The following ZFYVE16 variants were observed in gnomAD, a reference collection of about 807,000 sequenced individuals.
ZFYVE16 encodes zinc finger FYVE-type containing 16, also known as zinc finger FYVE domain-containing protein 16.
A neutral mutation model predicts 138.1 loss-of-function variants in ZFYVE16; 89 were observed. That is an observed-to-expected ratio of 0.64 (90% confidence interval 0.54 to 0.77). The LOEUF is 0.77. Ranked by LOEUF, ZFYVE16 falls within the 30% of genes least tolerant of loss-of-function variation. The probability of loss-of-function intolerance (pLI) is 0.00; values close to 1 mark genes in which losing one functional copy is unlikely to be tolerated. For missense variants in ZFYVE16, 1,793 were observed against 1,786.7 expected (o/e 1.00, Z -0.06); for synonymous variants, 596 against 618.3 (o/e 0.96, Z 0.53).
At chr5:80,426,009 T>C (rs1057515236) in intron 1 of ZFYVE16, among the ~76,000 whole-genome samples, 11 of 152,182 alleles carry the variant, frequency 7.2e-5, no homozygotes, top group Admixed American at 3.3e-4. Flanking sequence ...TTTTCATCAG[T>C]AATTATTTTG....
upstream of ZFYVE16, chr5:80,407,936 C>A (rs1027368555): frequency 6.6e-6 from 1 of 152,350 alleles, no homozygotes. Context: ...GCAAGCGCCC[C>A]GGGCCTGGAG....
At chr5:80,469,863 G>A (rs572449894) in intron 15 of ZFYVE16, among the ~76,000 whole-genome samples, 69 of 151,326 alleles carry the variant, frequency 4.6e-4, no homozygotes, top group Non-Finnish European at 9.0e-4. Flanking sequence ...TGGGCTTTCA[G>A]TTTTAGTTAG....
chr5:80,420,805 G>A (rs1370990297), intron 1 of ZFYVE16, among the ~76,000 whole-genome samples: 46 of 152,260 alleles, frequency 3.0e-4, no homozygotes, highest in African/African-American at 6.5e-4. Context: ...CTTTGGGTAT[G>A]TACCCAGTAA....
At position 80,438,256 on chromosome 5, in the gene ZFYVE16, G is replaced by A; in HGVS notation, c.1571G>A (p.Ser524Asn). Residue 524 changes from serine to asparagine, a missense_variant, in exon 4 of 19, where the codon AGT becomes AAT. Around this residue, in one of 2 missense-constraint regions of ZFYVE16, gnomAD observed 1,295 missense variants for 1,204.3 expected, o/e 1.08. Coordinates refer to ENST00000505560, the MANE Select transcript of ZFYVE16 (RefSeq NM_001284236.3). ...DYFNIDEGAK[S>N]GPLISDAELD... ...TTTAATATTGATGAAGGCGCAAAAA[G>A]TGGCCCACTAATTAGTGATGCTGAA... The A allele has an allele frequency of 6.2e-7, 1 of 1,614,030 alleles. No homozygotes were observed. Among genetic ancestry groups the A allele is most frequent in the Non-Finnish European group, 8.5e-7 (1 of 1,179,958 alleles).
intron 11 of ZFYVE16, 45 bp from the exon 12 acceptor site, chr5:80,455,647 G>A: frequency 6.9e-7 from 1 of 1,445,802 alleles, no homozygotes; most frequent in Non-Finnish European, 9.7e-7. Flanking sequence ...AATAATTTGG[G>A]GTTTTTTTTG....
rs373189278 is a variant in ZFYVE16 at position 80,437,250 on chromosome 5, C to G, written c.565C>G (p.Gln189Glu). The G allele has an allele frequency of 3.8e-5, 62 of 1,613,676 alleles. No homozygotes were observed. The highest frequency in any genetic ancestry group is 3.3e-4 in the South Asian group (30 of 91,054). ...TGATAGTGATACTGTCAGAGAACAA[C>G]AGAATGATATCAGTTCTGAATTACA... ...DHDSDTVREQ[Q>E]NDISSELQNR... The change falls in exon 4 of 19, where the codon CAG (glutamine) becomes GAG (glutamate). Residue 189 changes from glutamine (Q) to glutamate (E), a missense_variant. By Grantham distance (29) the Gln-to-Glu change is conservative. Transcript: ENST00000505560.
chr5:80,420,620 T>G (rs1747005768), intron 1 of ZFYVE16, among the ~76,000 whole-genome samples: 1 of 152,216 alleles, frequency 6.6e-6, no homozygotes, highest in African/African-American at 2.4e-5. Context: ...ACAAAGGACA[T>G]GAACTCATCC....
At position 80,438,878 on chromosome 5, in the gene ZFYVE16, C is replaced by T. The variant is rs1580223133; in HGVS notation, c.2193C>T (p.Cys731=). The T allele has an allele frequency of 1.2e-6, 2 of 1,613,890 alleles. No homozygotes were observed. Among genetic ancestry groups the T allele is most frequent in the African/African-American group, 1.3e-5 (1 of 74,906 alleles). Residue 731 remains cysteine, a synonymous_variant, in exon 4 of 19, where the codon TGC becomes TGT. Transcript: ENST00000505560. ...AAGATTCTGTACCTGAAAACACTTG[C>T]AAAGAAGGCTTGGTTTTGGGCCAGA... The part of the protein sequence containing the change: ...ANEDSVPENT[C]KEGLVLGQKQ...
chr5:80,453,464 G>A (rs999933725), intron 11 of ZFYVE16, among the ~76,000 whole-genome samples: 2 of 152,168 alleles, frequency 1.3e-5, no homozygotes, highest in African/African-American at 4.8e-5. Flanking sequence ...CTTCTAGATA[G>A]TAAGTTTTCT....
intron 5 of ZFYVE16, chr5:80,441,107 C>A: frequency 1.0e-6 from 1 of 985,326 alleles, no homozygotes; most frequent in Non-Finnish European, 1.2e-6. Flanking sequence ...TTTCAGTAGC[C>A]TAGAAGATGA....
chr5:80,432,767 A>C (rs922474618), intron 2 of ZFYVE16, among the ~76,000 whole-genome samples: 17 of 152,216 alleles, frequency 1.1e-4, no homozygotes, highest in Non-Finnish European at 1.9e-4. Context: ...CAACCCCATC[A>C]ACAAGTGGGC....
chr5:80,411,441 C>T (rs1745446461), intron 1 of ZFYVE16, among the ~76,000 whole-genome samples: 1 of 151,964 alleles, frequency 6.6e-6, no homozygotes, highest in Non-Finnish European at 1.5e-5. Flanking sequence ...TTTTTTACAA[C>T]TTATTTGTAA....
At position 80,480,530 on chromosome 5, in the gene ZFYVE16, A is replaced by C. The variant is rs907496911; in HGVS notation, c.*3153A>C. Among the ~76,000 whole-genome samples the C allele has an allele frequency of 6.6e-6, 1 of 152,190 alleles. No homozygotes were observed. The highest frequency in any genetic ancestry group is 2.4e-5 in the African/African-American group (1 of 41,442). On this transcript the variant is annotated 3_prime_UTR_variant, in exon 19 of 19. Transcript: ENST00000505560. ...CAAGAATAGGACAGAGCAAATACTT[A>C]GATAGAATGCAGAATTTTAAAAACT...
chr5:80,425,502 G>C (rs1270129788), intron 1 of ZFYVE16, among the ~76,000 whole-genome samples: 1 of 151,996 alleles, frequency 6.6e-6, no homozygotes, highest in Non-Finnish European at 1.5e-5. Flanking sequence ...ATATTCTTTT[G>C]TTTGTATTTA....
At chr5:80,443,883 C>A in intron 6 of ZFYVE16, 1 of 456,076 alleles carries the variant, frequency 2.2e-6, no homozygotes, top group South Asian at 1.5e-5. Flanking sequence ...ATCCAAGAGC[C>A]CACTGTAGAG....
rs573537309 is a variant in ZFYVE16, at chr5:80,471,211, T to A, written c.4025-1550T>A. ...CGGCTCTTTTAGGCCTCTTTAGGGT[T>A]AAGGCATACTCCCTTCTGAGAATTT... is the stretch of plus-strand genomic sequence containing the variant. On this transcript the variant is annotated intron_variant, in intron 15 of 18. Transcript: ENST00000505560. Among the ~76,000 whole-genome samples the A allele has an allele frequency of 2.0e-5, 3 of 152,272 alleles. No individual in the cohort carries two copies. In the South Asian group the frequency reaches 6.2e-4, roughly 32 times the overall value.
intron 9 of ZFYVE16, 61 bp from the exon 10 acceptor site, chr5:80,450,370 G>C: frequency 2.0e-6 from 3 of 1,515,438 alleles, no homozygotes; most frequent in Non-Finnish European, 1.8e-6. Context: ...AAAAACAATT[G>C]TTCTTAGTTT....
Position 80,437,617 on chromosome 5 carries a change from A to G in ZFYVE16, c.932A>G (p.Asp311Gly). Residue 311 changes from aspartate (D) to glycine (G), a missense_variant, in exon 4 of 19, where the codon GAT (aspartate) becomes GGT (glycine). Asp to Gly is a moderately conservative substitution (Grantham distance 94, BLOSUM62 -1). Transcript: ENST00000505560. ...ALTCSLPKNE[D>G]LCLNDSNSRD... ...ACCTGCAGCCTTCCGAAAAATGAAG[A>G]TTTATGCTTAAATGATTCAAATTCA... The G allele has an allele frequency of 6.2e-7, 1 of 1,612,836 alleles. No homozygotes were observed. Among genetic ancestry groups the G allele is most frequent in the Non-Finnish European group, 8.5e-7 (1 of 1,179,630 alleles).
intron 2 of ZFYVE16, among the ~76,000 whole-genome samples, chr5:80,433,118 C>T (rs2112328478): frequency 6.6e-6 from 1 of 152,244 alleles, no homozygotes; most frequent in Non-Finnish European, 1.5e-5. Flanking sequence ...AATCATGCTG[C>T]TATAAAGACA....
Sources: allele counts gnomAD v4.1 joint callset (sites outside exome capture counted in the v4.1 genomes callset), GRCh38; gene constraint gnomAD v4.1.1; regional missense constraint gnomAD v4.1.1; transcripts MANE v1.5; gene names NCBI Gene and HGNC (gene_info 2026-07-23, HGNC 2026-07-21).